RGS6: variants seen among roughly 807,000 people sequenced by gnomAD.
The protein encoded by RGS6 is regulator of G protein signaling 6, also known as regulator of G-protein signaling 6.
A neutral mutation model predicts 78.5 loss-of-function variants in RGS6; 30 were observed. The ratio of observed to expected loss-of-function variants is 0.38; its 90% CI spans 0.29 to 0.52. RGS6 has a LOEUF of 0.52. Ranked by LOEUF, RGS6 falls within the 20% of genes least tolerant of loss-of-function variation. The pLI is 0.85. For missense variants in RGS6, 495 were observed against 609.7 expected (o/e 0.81, Z 1.98); for synonymous variants, 206 against 206.0 (o/e 1.00, Z 0.00).
At chr14:71,887,093 C>A in the RGS6 span, among the ~76,000 whole-genome samples, 6 of 152,178 alleles carry the variant, frequency 3.9e-5, no homozygotes, top group Non-Finnish European at 5.9e-5. Flanking sequence ...GAGGGACCAG[C>A]TGGAGCTGCA....
At chr14:71,907,900 A>T in the RGS6 span, among the ~76,000 whole-genome samples, 1 of 152,192 alleles carries the variant, frequency 6.6e-6, no homozygotes, top group South Asian at 2.1e-4. Context: ...ATTGGTGCAC[A>T]GGAGAGCAGA....
chr14:72,226,613 TA>T (rs1000340957), intron 2 of RGS6, among the ~76,000 whole-genome samples: 1 of 152,206 alleles, frequency 6.6e-6, no homozygotes, highest in African/African-American at 2.4e-5. Flanking sequence ...ACTTGTCAGA[TA>T]AATAGAACCA....
At chr14:72,024,948 G>A (rs2089529633) in intron 2 of RGS6, among the ~76,000 whole-genome samples, 1 of 152,178 alleles carries the variant, frequency 6.6e-6, no homozygotes, top group Non-Finnish European at 1.5e-5. Flanking sequence ...GCAGTTTTCA[G>A]ACAGTTGCAA....
chr14:72,193,489 A>G (rs1347162585), intron 2 of RGS6, among the ~76,000 whole-genome samples: 14 of 152,194 alleles, frequency 9.2e-5, no homozygotes, highest in Non-Finnish European at 1.5e-4. Flanking sequence ...ACTGAGCCCC[A>G]GTGTGTGCCG....
At position 72,470,050 on chromosome 14, in the gene RGS6, A is replaced by G. The variant is rs1246391622; in HGVS notation, c.503A>G (p.Glu168Gly). The change falls in exon 8 of 18, where the codon GAA becomes GGA. Residue 168 changes from glutamate to glycine, a missense_variant. Physicochemically the swap from Glu to Gly is moderately conservative, Grantham distance 98 (BLOSUM62 -2). Coordinates refer to ENST00000553525, the MANE Select transcript of RGS6 (RefSeq NM_001204424.2). ...RLQRAFARKW[E>G]FIFMQAEAQV... ...CAGAGGGCCTTTGCGAGGAAGTGGGAATTCATCTTTATGCAAGCAGAAGCA... is the reference window on the plus strand; with the variant it reads ...CAGAGGGCCTTTGCGAGGAAGTGGGGATTCATCTTTATGCAAGCAGAAGCA... 6.2e-7 allele frequency: 1 copy of G among 1,613,434 alleles called. No homozygotes were observed. The highest frequency in any genetic ancestry group is 2.2e-5 in the East Asian group (1 of 44,838).
chr14:72,585,340 G>C, the RGS6 span, among the ~76,000 whole-genome samples: 1 of 152,260 alleles, frequency 6.6e-6, no homozygotes, highest in African/African-American at 2.4e-5. Flanking sequence ...AGACATTGCA[G>C]GCATGAGTTT....
the RGS6 span, among the ~76,000 whole-genome samples, chr14:72,620,912 G>A: frequency 5.3e-5 from 8 of 152,186 alleles, no homozygotes; most frequent in South Asian, 2.1e-4. Context: ...AGGCCAAGGC[G>A]CGTGGTTCAC....
intron 2 of RGS6, among the ~76,000 whole-genome samples, chr14:72,259,314 A>C (rs544489674): frequency 6.6e-6 from 1 of 152,290 alleles, no homozygotes; most frequent in African/African-American, 2.4e-5. Context: ...ACTGTGTAGC[A>C]GCTTTTTTTT....
In RGS6 at chr14:72,284,438, A is replaced by T. The variant is rs565093248; in HGVS notation, c.85-67657A>T. On this transcript the variant is annotated intron_variant, in intron 2 of 17. Transcript: ENST00000553525. ...TTTTAGCCATGGCTAAAAGGGGCCA[A>T]GGTATAGCTGGGGCCATGGCTTCAG... Among the ~76,000 whole-genome samples the T allele has an allele frequency of 6.6e-5, 10 of 152,330 alleles. 1 individual carries two copies. In the South Asian group the frequency reaches 2.1e-3, roughly 32 times the overall value.
intron 3 of RGS6, among the ~76,000 whole-genome samples, chr14:72,399,336 C>T (rs1328866589): frequency 6.6e-6 from 1 of 152,096 alleles, no homozygotes; most frequent in African/African-American, 2.4e-5. Context: ...TCTGTTTTAT[C>T]TGAGACTAGG....
intron 3 of RGS6, among the ~76,000 whole-genome samples, chr14:72,388,255 T>TATATACAC (rs1363910219): frequency 6.6e-6 from 1 of 152,174 alleles, no homozygotes; most frequent in Non-Finnish European, 1.5e-5. Context: ...TACACATATA[T>TATATACAC]ATATACACAT....
the RGS6 span, among the ~76,000 whole-genome samples, chr14:71,893,989 G>A: frequency 4.5e-4 from 69 of 152,274 alleles, no homozygotes; most frequent in Middle Eastern, 3.4e-3. Context: ...TAATAAAAGT[G>A]TGTTTTTTCT....
At chr14:72,549,584 G>A (rs1013258127) in intron 17 of RGS6, among the ~76,000 whole-genome samples, 1 of 152,240 alleles carries the variant, frequency 6.6e-6, no homozygotes, top group Admixed American at 6.5e-5. Flanking sequence ...TCAGCCGGCT[G>A]GGCGTGGTGG....
At chr14:72,567,298 T>C (rs1341141667), downstream of RGS6, among the ~76,000 whole-genome samples, 1 of 152,158 alleles carries the variant, frequency 6.6e-6, no homozygotes, top group Non-Finnish European at 1.5e-5. Context: ...GTCCATAACA[T>C]GTCCCACCTC....
intron 2 of RGS6, among the ~76,000 whole-genome samples, chr14:72,041,468 T>A (rs997090113): frequency 1.4e-4 from 22 of 152,242 alleles, no homozygotes; most frequent in African/African-American, 5.3e-4. Flanking sequence ...ATGTCCAAAG[T>A]ATACCAGTTT....
intron 3 of RGS6, among the ~76,000 whole-genome samples, chr14:72,433,115 T>C (rs1421171500): frequency 1.3e-5 from 2 of 152,182 alleles, no homozygotes; most frequent in Admixed American, 1.3e-4. Context: ...TGAGACACGG[T>C]CAGAAATGAT....
chr14:71,975,313 C>T (rs984923907), intron 2 of RGS6, among the ~76,000 whole-genome samples: 1 of 152,124 alleles, frequency 6.6e-6, no homozygotes, highest in Non-Finnish European at 1.5e-5. Flanking sequence ...TTGATTATTC[C>T]TCCTTCGAAT....
intron 2 of RGS6, among the ~76,000 whole-genome samples, chr14:72,010,554 C>T (rs2085462312): frequency 6.6e-6 from 1 of 152,144 alleles, no homozygotes; most frequent in South Asian, 2.1e-4. Flanking sequence ...TCCTGTGGCA[C>T]ACTTCTTGCT....
At chr14:72,515,061 C>T (rs989227568) in intron 14 of RGS6, among the ~76,000 whole-genome samples, 6 of 152,184 alleles carry the variant, frequency 3.9e-5, no homozygotes, top group South Asian at 2.1e-4. Flanking sequence ...TAAACACATA[C>T]GGGATGTCAG....
Sources: gnomAD v4.1 joint callset for allele counts (sites outside exome capture counted in the v4.1 genomes callset) on GRCh38, gnomAD v4.1.1 for gene constraint, MANE v1.5 for transcripts, NCBI Gene and HGNC (gene_info 2026-07-23, HGNC 2026-07-21) for gene names.